DGKB: variants seen among roughly 807,000 people sequenced by gnomAD.
The protein encoded by DGKB is 90 kDa diacylglycerol kinase.
Under a neutral mutation model 114.3 loss-of-function variants are expected in DGKB, and 67 were observed. The ratio of observed to expected loss-of-function variants is 0.59; its 90% CI spans 0.48 to 0.72. DGKB has a LOEUF of 0.72. Among genes scored for constraint, DGKB ranks in the 30% least tolerant of loss-of-function variants. The probability of loss-of-function intolerance (pLI) is 0.00; values close to 1 mark genes in which losing one functional copy is unlikely to be tolerated. For synonymous variants in DGKB, 398 were observed against 323.1 expected, an observed-to-expected ratio of 1.23 and a Z score of -2.49; for missense variants, 907 against 975.2, an observed-to-expected ratio of 0.93 and a Z score of 0.93.
chr7:14,739,403 G>A (rs546610304), intron 4 of DGKB, among the ~76,000 whole-genome samples: 6 of 152,260 alleles, frequency 3.9e-5, no homozygotes, highest in Admixed American at 3.9e-4. Context: ...TCTATGCAGG[G>A]GAGAATCTTG....
chr7:14,171,200 A>T (rs1780941346), intron 25 of DGKB, among the ~76,000 whole-genome samples: 1 of 152,126 alleles, frequency 6.6e-6, no homozygotes, highest in Non-Finnish European at 1.5e-5. Context: ...AAAGGCAAAG[A>T]GGGGTTAAAA....
intron 2 of DGKB, among the ~76,000 whole-genome samples, chr7:14,798,622 C>G (rs1196374882): frequency 1.3e-5 from 2 of 152,138 alleles, no homozygotes; most frequent in Non-Finnish European, 2.9e-5. Flanking sequence ...AATAATCAGA[C>G]TTTTGGGGAC....
chr7:14,726,492 C>A (rs1008536549), intron 5 of DGKB, among the ~76,000 whole-genome samples: 2 of 152,146 alleles, frequency 1.3e-5, no homozygotes, highest in Non-Finnish European at 2.9e-5. Flanking sequence ...AAAAATAAAT[C>A]AGAGGAAACT....
At chr7:14,574,505 C>A in intron 19 of DGKB, 133 bp from the exon 20 acceptor site, 1 of 701,396 alleles carries the variant, frequency 1.4e-6, no homozygotes, top group Non-Finnish European at 2.3e-6. Context: ...ATTCTGCCAC[C>A]AAATGAAGAA....
At chr7:14,562,341 G>C (rs931760654) in intron 20 of DGKB, among the ~76,000 whole-genome samples, 17 of 152,154 alleles carry the variant, frequency 1.1e-4, no homozygotes, top group African/African-American at 4.1e-4. Context: ...GGGAAATGTG[G>C]GGTTGGAGCC....
intron 1 of DGKB, among the ~76,000 whole-genome samples, chr7:14,886,586 C>T (rs1855087268): frequency 6.6e-6 from 1 of 151,884 alleles, no homozygotes; most frequent in Non-Finnish European, 1.5e-5. Flanking sequence ...CAGACTATCA[C>T]AAGTCTTGTC....
chr7:14,738,705 T>C (rs1336439871), intron 4 of DGKB, among the ~76,000 whole-genome samples: 1 of 152,238 alleles, frequency 6.6e-6, no homozygotes, highest in Non-Finnish European at 1.5e-5. Context: ...CATGTTTTCA[T>C]ATGCATTTAA....
At chr7:14,231,093 TTCTTTCTTTCTTTC>T (rs1454841657) in intron 23 of DGKB, among the ~76,000 whole-genome samples, 3 of 72,012 alleles carry the variant, frequency 4.2e-5, no homozygotes, top group African/African-American at 1.6e-4. Flanking sequence ...CTTTCTTTCT[TTCTTTCTTTCTTTC>T]TTTCTTTCTT....
At chr7:14,514,449 T>G (rs1395424275) in intron 20 of DGKB, among the ~76,000 whole-genome samples, 1 of 152,148 alleles carries the variant, frequency 6.6e-6, no homozygotes, top group Non-Finnish European at 1.5e-5. Context: ...ATTTGGACAA[T>G]ATGTAGATAT....
intron 23 of DGKB, among the ~76,000 whole-genome samples, chr7:14,200,752 T>TA (rs200692756): frequency 1.9e-3 from 283 of 151,724 alleles, no homozygotes; most frequent in African/African-American, 4.1e-3. Context: ...CACTAACATG[T>TA]AAAAAAAACG....
chr7:14,881,541 A>G (rs1355085210), intron 1 of DGKB, among the ~76,000 whole-genome samples: 1 of 152,164 alleles, frequency 6.6e-6, no homozygotes, highest in Non-Finnish European at 1.5e-5. Context: ...TTAAGAGTGT[A>G]TGCAGAACAA....
chr7:14,893,863 A>G (rs920624071), intron 1 of DGKB, among the ~76,000 whole-genome samples: 8 of 151,362 alleles, frequency 5.3e-5, no homozygotes, highest in African/African-American at 1.9e-4. Flanking sequence ...ACAACTGCAC[A>G]TAGCCCATGG....
intron 23 of DGKB, among the ~76,000 whole-genome samples, chr7:14,242,488 G>A (rs1291147798): frequency 7.9e-5 from 12 of 152,148 alleles, no homozygotes; most frequent in Admixed American, 7.9e-4. Context: ...GTCTGAGAAG[G>A]AGCGGAGAGC....
At chr7:14,355,161 C>G (rs948939087) in intron 21 of DGKB, among the ~76,000 whole-genome samples, 3 of 152,124 alleles carry the variant, frequency 2.0e-5, no homozygotes, top group South Asian at 2.1e-4. Flanking sequence ...CCCTCCCTCT[C>G]TCTCTTTCTC....
chr7:14,949,298 C>T (rs879762900), intron 1 of DGKB, among the ~76,000 whole-genome samples: 2 of 151,838 alleles, frequency 1.3e-5, no homozygotes, highest in Non-Finnish European at 2.9e-5. Context: ...TGACTTATAG[C>T]AAAGGGTTGT....
chr7:14,331,665 G>A (rs544168877), intron 23 of DGKB, among the ~76,000 whole-genome samples: 8 of 152,188 alleles, frequency 5.3e-5, no homozygotes, highest in Non-Finnish European at 1.0e-4. Flanking sequence ...CACCACCAGT[G>A]AGCTCTTCCA....
intron 20 of DGKB, among the ~76,000 whole-genome samples, chr7:14,560,805 C>A (rs1344519507): frequency 2.0e-5 from 3 of 152,122 alleles, no homozygotes; most frequent in Non-Finnish European, 4.4e-5. Context: ...GTGGCTATAC[C>A]ATTTTGCATC....
At chr7:14,164,258 C>G (rs1208618359) in intron 25 of DGKB, among the ~76,000 whole-genome samples, 1 of 152,096 alleles carries the variant, frequency 6.6e-6, no homozygotes, top group African/African-American at 2.4e-5. Context: ...TTCTCCCACT[C>G]TGGTAAAATA....
chr7:14,656,505 A>C (rs575726169), intron 13 of DGKB, among the ~76,000 whole-genome samples: 1 of 151,588 alleles, frequency 6.6e-6, no homozygotes, highest in South Asian at 2.1e-4. Flanking sequence ...TCAAGAGTCA[A>C]TCCATAGGAC....
Sources: gnomAD v4.1 joint callset for allele counts (sites outside exome capture counted in the v4.1 genomes callset) on GRCh38, gnomAD v4.1.1 for gene constraint, MANE v1.5 for transcripts, NCBI Gene and HGNC (gene_info 2026-07-23, HGNC 2026-07-21) for gene names.